The following CA4 variants were observed in gnomAD, a reference collection of about 807,000 sequenced individuals.
The protein encoded by CA4 is CA-IV.
CA4 carries 24 observed loss-of-function variants against 34.5 expected under a neutral mutation model. The observed-to-expected ratio is 0.70, with a 90% CI of 0.50 to 0.98. CA4 has a LOEUF of 0.98. Ranked by LOEUF, CA4 falls within the 50% of genes least tolerant of loss-of-function variation. CA4 has a pLI of 0.00. For missense variants in CA4, 394 were observed against 396.7 expected (o/e 0.99, Z 0.06); for synonymous variants, 178 against 170.6 (o/e 1.04, Z -0.34).
chr17:60,158,693 C>A lies in CA4; in HGVS notation c.744+247C>A, dbSNP rs147697360. On this transcript the variant is annotated intron_variant, in intron 7 of 7. Coordinates refer to ENST00000300900, the MANE Select transcript of CA4 (RefSeq NM_000717.5). ...CAGAAAATGGTGCTGGGGTTTCTAT[C>A]ATGAACGAGGCTCTGGGGAGACAGC... 1,232 of 564,764 alleles carry A rather than the reference C, an allele frequency of 2.2e-3. 18 individuals carry two copies. Among genetic ancestry groups the A allele is most frequent in the African/African-American group, 0.021 (1,093 of 53,242 alleles). 35.0% of individuals were successfully genotyped at this position (564,764 alleles called of 1,614,324 possible).
At chr17:60,175,819 AT>A (rs759618128), downstream of CA4, among the ~76,000 whole-genome samples, 11,961 of 138,132 alleles carry the variant, frequency 0.087, 1,513 homozygotes, top group African/African-American at 0.3. Flanking sequence ...CATTTTATAC[AT>A]TTTTTTTTTT....
At chr17:60,175,945 T>C in the CA4 span, among the ~76,000 whole-genome samples, 1 of 151,526 alleles carries the variant, frequency 6.6e-6, no homozygotes, top group African/African-American at 2.4e-5. Flanking sequence ...GCCTCCCAAG[T>C]AGCTGGGATT....
intron 3 of CA4, 180 bp downstream of exon 3, chr17:60,156,895 A>G (rs1190270282): frequency 4.5e-6 from 3 of 666,548 alleles, no homozygotes; most frequent in Admixed American, 4.6e-5. Context: ...TGTTTTCGTT[A>G]CTTTTGTCAG....
chr17:60,178,798 T>C, the CA4 span, among the ~76,000 whole-genome samples: 1 of 152,248 alleles, frequency 6.6e-6, no homozygotes, highest in African/African-American at 2.4e-5. Context: ...ATCTTGTCAA[T>C]ATAATGGAAT....
intron 5 of CA4, among the ~76,000 whole-genome samples, chr17:60,165,243 C>G (rs1008842913): frequency 6.6e-6 from 1 of 152,066 alleles, no homozygotes; most frequent in African/African-American, 2.4e-5. Context: ...AACTTAAGAC[C>G]CTTCAAGGGG....
At chr17:60,156,373 A>C (rs1394775728) in intron 2 of CA4, among the ~76,000 whole-genome samples, 187 bp from the exon 3 acceptor site, 1 of 151,996 alleles carries the variant, frequency 6.6e-6, no homozygotes, top group Non-Finnish European at 1.5e-5. Flanking sequence ...GTGGAGGAGG[A>C]GGAGGAGGGC....
chr17:60,165,603 C>A, intron 5 of CA4, among the ~76,000 whole-genome samples: 1 of 152,146 alleles, frequency 6.6e-6, no homozygotes, highest in East Asian at 1.9e-4. Flanking sequence ...TCTCCCCCTT[C>A]CCCAGGAGCC....
At chr17:60,166,185 T>C (rs1334430005) in intron 5 of CA4, among the ~76,000 whole-genome samples, 1 of 152,224 alleles carries the variant, frequency 6.6e-6, no homozygotes, top group African/African-American at 2.4e-5. Flanking sequence ...TGGGAGGGCA[T>C]TGGAGGCCCA....
the CA4 span, among the ~76,000 whole-genome samples, chr17:60,176,721 A>G: frequency 6.6e-6 from 1 of 152,124 alleles, no homozygotes; most frequent in African/African-American, 2.4e-5. Context: ...TACACTCTAC[A>G]TCAGTGGTTG....
In CA4 at chr17:60,165,447, G is replaced by C. The variant is rs754730611; in HGVS notation, c.*179-5104G>C. On this transcript the variant is annotated intron_variant and NMD_transcript_variant, in intron 5 of 5. Coordinates refer to the CA4 transcript ENST00000586876. ...CTGCAGTTCTTATGTCCTGCCTTAG[G>C]GGGTAGCAGGTGCAGAGTTCAGAGT... is the stretch of plus-strand genomic sequence containing the variant. 3.0e-4 allele frequency among the ~76,000 whole-genome samples: 45 copies of C among 152,162 alleles called. 1 individual carries two copies. The highest frequency in any genetic ancestry group is 3.8e-4 in the Non-Finnish European group (26 of 68,034).
Position 60,159,257 on chromosome 17 carries a change from TAC to T in CA4, c.773_774del (p.Tyr258Ter), listed in dbSNP as rs760198248. The T allele has an allele frequency of 6.2e-7, 1 of 1,607,408 alleles. No homozygotes were observed. Among genetic ancestry groups the T allele is most frequent in the Admixed American group, 1.7e-5 (1 of 59,216 alleles). ...QILAFSQKLY[Y>X]DKEQTVSMKD... Reference sequence around the variant, plus strand: ...CCTGGCATTCTCTCAGAAGCTGTACTACGACAAGGAACAGACAGTGAGCATGA... The same window carrying T: ...CCTGGCATTCTCTCAGAAGCTGTACTGACAAGGAACAGACAGTGAGCATGA... On this transcript the variant is annotated frameshift_variant, in exon 8 of 8. Transcript: ENST00000300900. LOFTEE classifies it low-confidence loss of function (END_TRUNC).
At chr17:60,171,697 C>T (rs961881070), downstream of CA4, among the ~76,000 whole-genome samples, 20 of 152,294 alleles carry the variant, frequency 1.3e-4, no homozygotes, top group African/African-American at 4.6e-4. Flanking sequence ...AGCACTACAC[C>T]CCCCACTGTC....
chr17:60,150,177 C>G, intron 1 of CA4, 85 bp downstream of exon 1: 1 of 1,178,756 alleles, frequency 8.5e-7, no homozygotes, highest in Middle Eastern at 2.7e-4. Flanking sequence ...GATCCCCCCG[C>G]GGGCGACCGG....
chr17:60,174,036 G>A (rs2145318637), downstream of CA4, among the ~76,000 whole-genome samples: 1 of 152,296 alleles, frequency 6.6e-6, no homozygotes, highest in East Asian at 1.9e-4. Flanking sequence ...TGCCTGTATT[G>A]TTTCCTTAAG....
At chr17:60,160,490 G>A (rs1003298426), downstream of CA4, among the ~76,000 whole-genome samples, 8 of 151,792 alleles carry the variant, frequency 5.3e-5, no homozygotes, top group African/African-American at 9.7e-5. Flanking sequence ...GGGGCCGGGC[G>A]CAGTGGCTCA....
the CA4 span, among the ~76,000 whole-genome samples, chr17:60,176,208 A>G: frequency 1.3e-5 from 2 of 152,202 alleles, no homozygotes; most frequent in African/African-American, 4.8e-5. Context: ...CAAGGAGGTA[A>G]AAAAACAAAC....
chr17:60,161,663 C>A (rs1443879404), downstream of CA4, among the ~76,000 whole-genome samples: 1 of 151,530 alleles, frequency 6.6e-6, no homozygotes, highest in Non-Finnish European at 1.5e-5. Context: ...GACGGCTGCT[C>A]CCCTCCCTCC....
At chr17:60,162,546 TACACACACACACACACACAC>T (rs770876140), downstream of CA4, among the ~76,000 whole-genome samples, 1 of 132,230 alleles carries the variant, frequency 7.6e-6, no homozygotes, top group East Asian at 2.3e-4. Context: ...CTGCATGGGG[TACACACACACACACACACAC>T]ACACACACAC....
At chr17:60,172,641 C>T (rs539263044), downstream of CA4, among the ~76,000 whole-genome samples, 70 of 151,834 alleles carry the variant, frequency 4.6e-4, no homozygotes, top group African/African-American at 1.6e-3. Flanking sequence ...GTCAGGAATT[C>T]GAGACCAGCC....
Sources: allele counts gnomAD v4.1 joint callset (sites outside exome capture counted in the v4.1 genomes callset), GRCh38; gene constraint gnomAD v4.1.1; transcripts MANE v1.5; gene names NCBI Gene and HGNC (gene_info 2026-07-23, HGNC 2026-07-21).